ALDH7A1: variants seen among roughly 807,000 people sequenced by gnomAD.
The protein encoded by ALDH7A1 is alpha-aminoadipic semialdehyde dehydrogenase.
In ALDH7A1, 63 loss-of-function variants were observed where a neutral mutation model predicts 79.9. That is an observed-to-expected ratio of 0.79 (90% CI 0.64 to 0.97). The LOEUF is 0.97. Among genes scored for constraint, ALDH7A1 ranks in the 50% least tolerant of loss-of-function variants. The probability of loss-of-function intolerance (pLI) is 0.00; values close to 1 mark genes in which losing one functional copy is unlikely to be tolerated. For synonymous variants in ALDH7A1, 240 were observed against 231.2 expected (o/e 1.04, Z -0.34); for missense variants, 627 against 665.2 (o/e 0.94, Z 0.63).
intron 11 of ALDH7A1, among the ~76,000 whole-genome samples, chr5:126,558,034 GGCA>G (rs1204457109): frequency 1.3e-5 from 2 of 151,858 alleles, no homozygotes; most frequent in East Asian, 3.9e-4. Context: ...CAGGCAGGGT[GGCA>G]CGTGCCTGTA....
At chr5:126,566,895 T>C (rs777884602) in intron 9 of ALDH7A1, among the ~76,000 whole-genome samples, 12 of 152,220 alleles carry the variant, frequency 7.9e-5, no homozygotes, top group Non-Finnish European at 1.5e-4. Flanking sequence ...ATAGGACTAG[T>C]ACAATTTGAT....
chr5:126,555,472 A>C (rs1411926084), intron 12 of ALDH7A1: 3 of 168,606 alleles, frequency 1.8e-5, no homozygotes, highest in African/African-American at 7.9e-5. Context: ...AACAGAGTGA[A>C]ACTGTGTCTC....
chr5:126,573,116 C>CAAAAAA (rs11290126), intron 7 of ALDH7A1, among the ~76,000 whole-genome samples: 11 of 95,192 alleles, frequency 1.2e-4, no homozygotes, highest in Admixed American at 3.3e-4. Context: ...CCATTTAAAG[C>CAAAAAA]AAAAAAAAAA....
intron 9 of ALDH7A1, 110 bp downstream of exon 9, chr5:126,568,149 A>G (rs1750653697): frequency 2.0e-6 from 2 of 994,114 alleles, no homozygotes; most frequent in Non-Finnish European, 3.2e-6. Flanking sequence ...TCAAATAAAC[A>G]TGACCACTGC....
At position 126,546,354 on chromosome 5, in the gene ALDH7A1, G is replaced by C; in HGVS notation, c.1535C>G (p.Ala512Gly). Residue 512 changes from alanine (A) to glycine (G), a missense_variant, in exon 17 of 18, where the codon GCC becomes GGC. Coordinates refer to ENST00000409134, the MANE Select transcript of ALDH7A1 (RefSeq NM_001182.5). ...AGACCTTCTCATGTACTGTTTCCAG[G>C]CATCACTGCCAGACTCCCTGCCACC... Reference protein sequence around the residue: ...TGGGRESGSDAWKQYMRRSTC... With the variant: ...TGGGRESGSDGWKQYMRRSTC... 1 of 1,614,140 alleles carries C rather than the reference G, an allele frequency of 6.2e-7. No homozygotes were observed. The highest frequency in any genetic ancestry group is 8.5e-7 in the Non-Finnish European group (1 of 1,180,040).
Position 126,556,008 on chromosome 5 carries a change from T to C in ALDH7A1, c.1016A>G (p.His339Arg), listed in dbSNP as rs199767457. 155 of 1,612,632 alleles carry C rather than the reference T, an allele frequency of 9.6e-5. No individual in the cohort carries two copies. The East Asian group carries it at 3.4e-3, about 35-fold the overall frequency. Reference sequence around the variant, plus strand: ...TACAACCTCATCATGGATGCTTTCATGTATAAACTAAACGAAAAAAGATAT... The same window carrying C: ...TACAACCTCATCATGGATGCTTTCACGTATAAACTAAACGAAAAAAGATAT... ...RCTTARRLFI[H>R]ESIHDEVVNR... The change falls in exon 12 of 18, where the codon CAT becomes CGT. Residue 339 changes from histidine to arginine, a missense_variant. His to Arg is a conservative substitution (Grantham distance 29). Transcript: ENST00000409134.
intron 5 of ALDH7A1, among the ~76,000 whole-genome samples, chr5:126,580,502 G>A (rs1670893677): frequency 6.6e-6 from 1 of 152,100 alleles, no homozygotes; most frequent in African/African-American, 2.4e-5. Context: ...AGGACATTAA[G>A]TGTCCTTAAT....
intron 9 of ALDH7A1, among the ~76,000 whole-genome samples, chr5:126,566,019 G>C (rs1297036225): frequency 6.6e-6 from 1 of 152,146 alleles, no homozygotes; most frequent in Non-Finnish European, 1.5e-5. Flanking sequence ...AGAAGTGAGA[G>C]TCCTTCAATT....
intron 16 of ALDH7A1, among the ~76,000 whole-genome samples, chr5:126,546,946 G>A (rs1260611030): frequency 6.6e-6 from 1 of 152,174 alleles, no homozygotes; most frequent in Non-Finnish European, 1.5e-5. Flanking sequence ...CCATTAAATG[G>A]GTTCCAGAAA....
At chr5:126,556,866 T>A (rs1750213338) in intron 11 of ALDH7A1, among the ~76,000 whole-genome samples, 1 of 152,218 alleles carries the variant, frequency 6.6e-6, no homozygotes, top group Non-Finnish European at 1.5e-5. Context: ...GATGAATGAA[T>A]TGACATTATG....
chr5:126,575,951 A>G (rs1205292588), intron 6 of ALDH7A1, among the ~76,000 whole-genome samples: 1 of 152,156 alleles, frequency 6.6e-6, no homozygotes, highest in Non-Finnish European at 1.5e-5. Flanking sequence ...GAAAATATCA[A>G]TGCCCTGCAG....
rs1317880376 is a variant in ALDH7A1, at chr5:126,593,352, TG to T, written c.244del (p.Gln82ArgfsTer11). The part of the protein sequence containing the change: ...ANNEPIARVR[Q>X]ASVADYEETV... ...ACACACACACACACACACTCTTACC[TG>T]TCGGACTCTTGCTATTGGCTCGTTG... On this transcript the variant is annotated frameshift_variant and splice_region_variant, in exon 2 of 18. Coordinates refer to ENST00000409134, the MANE Select transcript of ALDH7A1 (RefSeq NM_001182.5). LOFTEE classifies it high-confidence loss of function. The T allele has an allele frequency of 3.8e-6, 6 of 1,586,330 alleles. No homozygotes were observed. The highest frequency in any genetic ancestry group is 5.1e-6 in the Non-Finnish European group (6 of 1,168,632).
At position 126,561,097 on chromosome 5, in the gene ALDH7A1, T is replaced by G. The variant is rs762340782; in HGVS notation, c.899A>C (p.Asn300Thr). The G allele has an allele frequency of 6.2e-7, 1 of 1,613,230 alleles. No individual in the cohort carries two copies. Among genetic ancestry groups the G allele is most frequent in the East Asian group, 2.2e-5 (1 of 44,842 alleles). The change falls in exon 10 of 18, where the codon AAC becomes ACC. Residue 300 changes from asparagine to threonine, a missense_variant. Coordinates refer to ENST00000409134, the MANE Select transcript of ALDH7A1 (RefSeq NM_001182.5). ...GGCAGCCTTACCAATAATGGCATTG[T>G]TTCCTCCAAGTTCCAACAGACTTCT... is the stretch of plus-strand genomic sequence containing the variant. Reference protein sequence around the residue: ...FGRSLLELGGNNAIIAFEDAD... With the variant: ...FGRSLLELGGTNAIIAFEDAD...
intron 4 of ALDH7A1, among the ~76,000 whole-genome samples, chr5:126,583,316 AC>A (rs1165867594): frequency 6.6e-6 from 1 of 151,560 alleles, no homozygotes; most frequent in African/African-American, 2.4e-5. Flanking sequence ...CTTTGTCTCT[AC>A]TAAAAATACA....
rs1386769051 is a variant in ALDH7A1 at position 126,552,043 on chromosome 5, A to G, written c.1295T>C (p.Ile432Thr). The G allele has an allele frequency of 6.2e-7, 1 of 1,613,552 alleles. No individual in the cohort carries two copies. The highest frequency in any genetic ancestry group is 2.2e-5 in the East Asian group (1 of 44,876). The change falls in exon 14 of 18, where the codon ATT becomes ACT. Residue 432 changes from isoleucine (I) to threonine (T), a missense_variant. Transcript: ENST00000409134. Reference protein sequence around the residue: ...SIAHTETFAPILYVFKFKNEE... With the variant: ...SIAHTETFAPTLYVFKFKNEE... Reference sequence around the variant, plus strand: ...TACCTTGAATTTAAAGACATAGAGAATCGGAGCAAAAGTCTCTGTGTGTGC... The same window carrying G: ...TACCTTGAATTTAAAGACATAGAGAGTCGGAGCAAAAGTCTCTGTGTGTGC...
intron 10 of ALDH7A1, among the ~76,000 whole-genome samples, chr5:126,560,372 G>A (rs766330819): frequency 6.6e-6 from 1 of 152,148 alleles, no homozygotes; most frequent in Non-Finnish European, 1.5e-5. Context: ...TCGGGAGGCT[G>A]AGGCAGGAGA....
chr5:126,583,512 A>T (rs902929372), intron 4 of ALDH7A1, among the ~76,000 whole-genome samples: 2 of 149,924 alleles, frequency 1.3e-5, no homozygotes, highest in South Asian at 2.1e-4. Flanking sequence ...ATAAATAATA[A>T]AATATAATAT....
rs2112802725 is a variant in ALDH7A1 at position 126,582,901 on chromosome 5, T to C, written c.467A>G (p.Tyr156Cys). Reference sequence around the variant, plus strand: ...AATCATCCTTGATAAACCAACAGCATAGTCACAGATATCCACATACTCCTG... The same window carrying C: ...AATCATCCTTGATAAACCAACAGCACAGTCACAGATATCCACATACTCCTG... ...EVQEYVDICD[Y>C]AVGLSRMIGG... Residue 156 changes from tyrosine (Y) to cysteine (C), a missense_variant, in exon 5 of 18, where the codon TAT (tyrosine) becomes TGT (cysteine). Transcript: ENST00000409134. The C allele has an allele frequency of 8.1e-6, 13 of 1,613,548 alleles. No individual in the cohort carries two copies. The highest frequency in any genetic ancestry group is 9.3e-6 in the Non-Finnish European group (11 of 1,179,952).
At chr5:126,574,748 CCA>C (rs561139213) in intron 7 of ALDH7A1, among the ~76,000 whole-genome samples, 111 of 151,736 alleles carry the variant, frequency 7.3e-4, no homozygotes, top group African/African-American at 2.4e-3. Flanking sequence ...ACCCTCTTGC[CCA>C]CAGTCTCCAC....
Sources: allele counts gnomAD v4.1 joint callset (sites outside exome capture counted in the v4.1 genomes callset), GRCh38; gene constraint gnomAD v4.1.1; transcripts MANE v1.5; gene names NCBI Gene and HGNC (gene_info 2026-07-23, HGNC 2026-07-21).